The following RPS6KA6 variants were observed in gnomAD, a reference collection of about 807,000 sequenced individuals.
RPS6KA6 encodes ribosomal protein S6 kinase alpha-6.
A neutral mutation model predicts 65.4 loss-of-function variants in RPS6KA6; 27 were observed. The observed-to-expected ratio is 0.41, with a 90% CI of 0.30 to 0.57. The LOEUF is 0.57. Ranked by LOEUF, RPS6KA6 falls within the 20% of genes least tolerant of loss-of-function variation. The pLI is 0.24. For missense variants in RPS6KA6, 486 were observed against 555.6 expected, an observed-to-expected ratio of 0.87 and a Z score of 1.26; for synonymous variants, 190 against 184.2, an observed-to-expected ratio of 1.03 and a Z score of -0.26.
At position 84,059,800 on chromosome X, in the gene RPS6KA6, C is replaced by T. The variant is rs181125645; in HGVS notation, c.*4477G>A. 170 of 110,821 alleles carry T rather than the reference C, an allele frequency of 1.5e-3. 2 individuals carry two copies. The highest frequency in any genetic ancestry group is 5.4e-3 in the African/African-American group (166 of 30,700). 9.1% of individuals were successfully genotyped at this position (110,821 alleles called of 1,213,427 possible). A position where few individuals can be genotyped will look rare whatever the true frequency, so the allele number is the denominator to read the frequency against. On this transcript the variant is annotated 3_prime_UTR_variant, in exon 22 of 22. Transcript: ENST00000262752. The stretch of plus-strand genomic sequence containing the variant: ...TTAGAAATGTGAATACAAAGCAAAC[C>T]CTAACTTGGCAATTACATATATATA...
chrX:84,096,250 T>C lies in RPS6KA6; in HGVS notation c.1915A>G (p.Asn639Asp), dbSNP rs1369407970. Residue 639 changes from asparagine to aspartate, a missense_variant, in exon 20 of 22, where the codon AAT (asparagine) becomes GAT (aspartate). This residue lies in a region of RPS6KA6 where 345 missense variants were observed against 375.0 expected (regional missense o/e 0.92). Transcript: ENST00000262752. ...TPEEILLRIGNGKFSLSGGNW... is the reference protein window; with the variant it reads ...TPEEILLRIGDGKFSLSGGNW... Reference sequence around the variant, plus strand: ...CCACCACTCAAAGAGAATTTTCCATTGCCTATACGCAGCAGTATCTCTTCA... The same window carrying C: ...CCACCACTCAAAGAGAATTTTCCATCGCCTATACGCAGCAGTATCTCTTCA... The C allele has an allele frequency of 1.0e-5, 12 of 1,200,086 alleles. No individual in the cohort carries two copies. The highest frequency in any genetic ancestry group is 1.1e-5 in the Non-Finnish European group (10 of 887,301).
At position 84,074,708 on chromosome X, in the gene RPS6KA6, T is replaced by A. The variant is rs1233506960; in HGVS notation, c.1972-9597A>T. Among the ~76,000 whole-genome samples, 3 of 110,935 alleles carry A rather than the reference T, an allele frequency of 2.7e-5. No homozygotes were observed. The Admixed American group carries it at 2.9e-4, about 11-fold the overall frequency. ...ATTTGACATTAAGAAAATAGAATAC[T>A]TATAGGAATTTAAAAGTATCTAGCA... On this transcript the variant is annotated intron_variant, in intron 20 of 21. Coordinates refer to ENST00000262752, the MANE Select transcript of RPS6KA6 (RefSeq NM_014496.5).
At chrX:84,112,168 G>A (rs749264839) in intron 12 of RPS6KA6, among the ~76,000 whole-genome samples, 3 of 111,151 alleles carry the variant, frequency 2.7e-5, no homozygotes, top group South Asian at 3.8e-4. Context: ...ACACCAGAGC[G>A]CTCAGATTCA....
rs374728088 is a variant in RPS6KA6 at position 84,171,620 on chromosome X, C to G, written c.82-7233G>C. ...ATTTTTGTCCTTTAATCCTGCTTTC[C>G]GAAAAATCAATCACTAACTTAAGCA... On this transcript the variant is annotated intron_variant, in intron 1 of 21. Transcript: ENST00000262752. Among the ~76,000 whole-genome samples the G allele has an allele frequency of 2.7e-5, 3 of 111,165 alleles. No homozygotes were observed. The South Asian group carries it at 1.1e-3, about 42-fold the overall frequency.
At chrX:84,064,740 C>T (rs1569364372) in intron 21 of RPS6KA6, among the ~76,000 whole-genome samples, 1 of 111,626 alleles carries the variant, frequency 9.0e-6, no homozygotes, top group Non-Finnish European at 1.9e-5. Flanking sequence ...AATCCTAATT[C>T]CAGCATCTCT....
chrX:84,156,299 CAG>C, intron 2 of RPS6KA6, 108 bp from the exon 3 acceptor site: 4 of 455,254 alleles, frequency 8.8e-6, no homozygotes, highest in East Asian at 3.8e-5. Context: ...CTCAATGTAG[CAG>C]AGAGTTTTAT....
intron 2 of RPS6KA6, among the ~76,000 whole-genome samples, chrX:84,160,481 A>G (rs1269782530): frequency 8.9e-6 from 1 of 111,946 alleles, no homozygotes; most frequent in Non-Finnish European, 1.9e-5. Flanking sequence ...TAATAGCAAT[A>G]TACTATTATA....
chrX:84,117,268 G>T, intron 10 of RPS6KA6, 116 bp downstream of exon 10: 2 of 632,303 alleles, frequency 3.2e-6, no homozygotes, highest in Non-Finnish European at 2.3e-6. Context: ...ATGGTAGAAG[G>T]GAACAAGACA....
At chrX:84,067,784 C>T (rs1374120887) in intron 20 of RPS6KA6, among the ~76,000 whole-genome samples, 1 of 111,210 alleles carries the variant, frequency 9.0e-6, no homozygotes, top group East Asian at 2.8e-4. Context: ...TAAGATACTC[C>T]TTGAGAAGAG....
At chrX:84,135,248 T>A in intron 6 of RPS6KA6, 38 bp from the exon 7 acceptor site, 1 of 927,690 alleles carries the variant, frequency 1.1e-6, no homozygotes, top group Non-Finnish European at 1.5e-6. Flanking sequence ...GATCTTTCTT[T>A]CAATATTCAG....
At position 84,063,416 on chromosome X, in the gene RPS6KA6, T is replaced by A. The variant is rs2033333930; in HGVS notation, c.*861A>T. The A allele has an allele frequency of 2.7e-5, 3 of 111,215 alleles. No homozygotes were observed. In the South Asian group the frequency reaches 1.1e-3, roughly 42 times the overall value. 9.2% of individuals were successfully genotyped at this position (111,215 alleles called of 1,213,427 possible). A position where few individuals can be genotyped will look rare whatever the true frequency, so the allele number is the denominator to read the frequency against. ...ATGATTACAATCCAATTGGTTAACT[T>A]GAAAGTCAGTTTATATAACACCAGG... On this transcript the variant is annotated 3_prime_UTR_variant, in exon 22 of 22. Transcript: ENST00000262752.
rs1271243911 is a variant in RPS6KA6, at chrX:84,062,307, T to A, written c.*1970A>T. Reference sequence around the variant, plus strand: ...CTGATTTCACTTCCCCTAATTTTATTACTTAAAATGCATCCATGGAAATAG... The same window carrying A: ...CTGATTTCACTTCCCCTAATTTTATAACTTAAAATGCATCCATGGAAATAG... On this transcript the variant is annotated 3_prime_UTR_variant, in exon 22 of 22. Coordinates refer to ENST00000262752, the MANE Select transcript of RPS6KA6 (RefSeq NM_014496.5). 8.9e-6 allele frequency: 1 copy of A among 111,751 alleles called. No homozygotes were observed. The highest frequency in any genetic ancestry group is 1.9e-5 in the Non-Finnish European group (1 of 53,051). 9.2% of individuals were successfully genotyped at this position (111,751 alleles called of 1,213,427 possible).
chrX:84,104,276 A>G (rs113666515), intron 17 of RPS6KA6, among the ~76,000 whole-genome samples: 1 of 111,377 alleles, frequency 9.0e-6, no homozygotes, highest in African/African-American at 3.2e-5. Context: ...ATATAATTCA[A>G]ACCGCTTTTT....
At chrX:84,082,935 CA>C (rs1569373410) in intron 20 of RPS6KA6, among the ~76,000 whole-genome samples, 2 of 112,131 alleles carry the variant, frequency 1.8e-5, no homozygotes, top group Non-Finnish European at 3.8e-5. Flanking sequence ...ACACCTTACA[CA>C]AAAATTAACT....
At chrX:84,173,261 C>A (rs1304521609) in intron 1 of RPS6KA6, among the ~76,000 whole-genome samples, 4 of 111,246 alleles carry the variant, frequency 3.6e-5, no homozygotes, top group Non-Finnish European at 7.5e-5. Flanking sequence ...ATTCATTAGG[C>A]AGGCATAGTA....
chrX:84,148,906 C>T (rs954796917), intron 3 of RPS6KA6, among the ~76,000 whole-genome samples: 1 of 110,983 alleles, frequency 9.0e-6, no homozygotes, highest in African/African-American at 3.3e-5. Flanking sequence ...GATTGACTTC[C>T]TTTCATGAAA....
chrX:84,077,134 A>G (rs1329958377), intron 20 of RPS6KA6, among the ~76,000 whole-genome samples: 1 of 111,711 alleles, frequency 9.0e-6, no homozygotes, highest in Non-Finnish European at 1.9e-5. Flanking sequence ...TATAGATAAG[A>G]AAAGTCAATG....
intron 20 of RPS6KA6, among the ~76,000 whole-genome samples, chrX:84,087,205 G>A (rs781751937): frequency 2.4e-4 from 27 of 111,120 alleles, no homozygotes; most frequent in Admixed American, 5.8e-4. Flanking sequence ...TATGATGCTA[G>A]TTGGTTATTT....
At chrX:84,136,831 G>A (rs1270285405) in intron 6 of RPS6KA6, among the ~76,000 whole-genome samples, 2 of 110,933 alleles carry the variant, frequency 1.8e-5, no homozygotes. Flanking sequence ...GGAACACCTT[G>A]CAAATGGAGA....
Sources: allele counts gnomAD v4.1 joint callset (sites outside exome capture counted in the v4.1 genomes callset), GRCh38; gene constraint gnomAD v4.1.1; regional missense constraint gnomAD v4.1.1; transcripts MANE v1.5; gene names NCBI Gene and HGNC (gene_info 2026-07-23, HGNC 2026-07-21).